OTC: variants seen among roughly 807,000 people sequenced by gnomAD.
The protein encoded by OTC is ornithine transcarbamylase, mitochondrial.
OTC carries 3 observed loss-of-function variants against 30.3 expected under a neutral mutation model. That is an observed-to-expected ratio of 0.10 (90% CI 0.05 to 0.26). OTC has a LOEUF of 0.26. Ranked by LOEUF, OTC falls within the 10% of genes least tolerant of loss-of-function variation. The pLI is 1.00. For synonymous variants in OTC, 111 were observed against 99.7 expected (o/e 1.11, Z -0.67); for missense variants, 194 against 260.3 (o/e 0.75, Z 1.75).
intron 3 of OTC, among the ~76,000 whole-genome samples, chrX:38,379,016 C>T (rs1008938144): frequency 9.0e-6 from 1 of 111,342 alleles, no homozygotes; most frequent in African/African-American, 3.3e-5. Flanking sequence ...TCAGCTTTCC[C>T]AGATGTAGGG....
the OTC span, among the ~76,000 whole-genome samples, chrX:38,327,769 C>T: frequency 8.9e-6 from 1 of 112,866 alleles, no homozygotes; most frequent in East Asian, 2.8e-4. Flanking sequence ...AGGGACCCTG[C>T]CCATGAGTGG....
chrX:38,387,276 T>C (rs189496262), intron 4 of OTC, among the ~76,000 whole-genome samples: 1 of 112,154 alleles, frequency 8.9e-6, no homozygotes, highest in Admixed American at 9.5e-5. Context: ...TTGTTTCTTT[T>C]GCTATGCAGA....
the OTC span, among the ~76,000 whole-genome samples, chrX:38,332,805 A>G: frequency 1.1e-4 from 12 of 110,186 alleles, no homozygotes; most frequent in African/African-American, 4.0e-4. Context: ...GATCTGCTCT[A>G]CCTGCTCAAG....
intron 1 of OTC, among the ~76,000 whole-genome samples, chrX:38,366,375 T>A (rs2068295963): frequency 9.0e-6 from 1 of 111,566 alleles, no homozygotes; most frequent in Non-Finnish European, 1.9e-5. Flanking sequence ...TTTTTGTATT[T>A]TTCTGAGTTA....
chrX:38,381,744 C>T (rs2068378037), intron 4 of OTC, among the ~76,000 whole-genome samples: 1 of 111,984 alleles, frequency 8.9e-6, no homozygotes, highest in African/African-American at 3.2e-5. Context: ...GGGAAACTGA[C>T]ATTCAGTGGC....
At chrX:38,332,267 T>C in the OTC span, among the ~76,000 whole-genome samples, 2 of 108,735 alleles carry the variant, frequency 1.8e-5, no homozygotes, top group Non-Finnish European at 3.8e-5. Flanking sequence ...ACATAATGTA[T>C]ACCAACATAA....
intron 5 of OTC, 67 bp from the exon 6 acceptor site, chrX:38,403,551 C>T: frequency 8.9e-7 from 1 of 1,118,806 alleles, no homozygotes; most frequent in Non-Finnish European, 1.2e-6. Flanking sequence ...TTATTTTAAC[C>T]TTAGTAATTG....
At position 38,406,234 on chromosome X, in the gene OTC, A is replaced by G. The variant is rs182140280; in HGVS notation, c.663+2494A>G. On this transcript the variant is annotated intron_variant, in intron 6 of 9. Transcript: ENST00000039007. ...CTTTAAAGATAAAGCTAGGAGATTT[A>G]TTGTAAATTTTAGAAACACTGAAAC... Among the ~76,000 whole-genome samples the G allele has an allele frequency of 1.8e-4, 20 of 112,080 alleles. No individual in the cohort carries two copies. In the East Asian group the frequency reaches 4.7e-3, roughly 27 times the overall value.
chrX:38,371,608 CA>C (rs2147325889), intron 3 of OTC, among the ~76,000 whole-genome samples: 1 of 111,896 alleles, frequency 8.9e-6, no homozygotes, highest in African/African-American at 3.2e-5. Context: ...AAAGAAAGTT[CA>C]GGGGGATTAA....
At chrX:38,409,061 C>T (rs754479198) in intron 8 of OTC, 36 bp downstream of exon 8, 1 of 1,175,053 alleles carries the variant, frequency 8.5e-7, no homozygotes, top group South Asian at 1.8e-5. Context: ...TTCATTAATT[C>T]CATTCATGAA....
intron 1 of OTC, among the ~76,000 whole-genome samples, chrX:38,366,917 G>A (rs2068298969): frequency 8.9e-6 from 1 of 111,827 alleles, no homozygotes; most frequent in South Asian, 3.7e-4. Context: ...AGAAGATAAA[G>A]CATTTGCTGT....
intron 2 of OTC, among the ~76,000 whole-genome samples, chrX:38,368,087 C>A (rs953981013): frequency 5.0e-5 from 5 of 100,299 alleles, no homozygotes; most frequent in African/African-American, 1.9e-4. Flanking sequence ...GAAGGCCAGG[C>A]GCAGTGGCTC....
At chrX:38,378,887 A>C (rs1455239643) in intron 3 of OTC, among the ~76,000 whole-genome samples, 1 of 111,655 alleles carries the variant, frequency 9.0e-6, no homozygotes, top group Admixed American at 9.5e-5. Context: ...GAGAAACGAT[A>C]TGGAGTTCTA....
rs1484620875 is a variant in OTC, at chrX:38,352,790, G to A, written c.77+17G>A. On this transcript the variant is annotated intron_variant, in intron 1 of 9. Coordinates refer to ENST00000039007, the MANE Select transcript of OTC (RefSeq NM_000531.6). ...AAATTTTCGGTAAGTGATGGTCAGAGACTTGGGTTTGATTTAGGAATCATG... is the reference window on the plus strand; with the variant it reads ...AAATTTTCGGTAAGTGATGGTCAGAAACTTGGGTTTGATTTAGGAATCATG... 8.8e-7 allele frequency: 1 copy of A among 1,142,648 alleles called. No individual in the cohort carries two copies. The highest frequency in any genetic ancestry group is 1.2e-6 in the Non-Finnish European group (1 of 832,312). 94.2% of individuals were successfully genotyped at this position (1,142,648 alleles called of 1,213,427 possible).
chrX:38,351,823 C>T (rs968589460), upstream of OTC, among the ~76,000 whole-genome samples: 4 of 111,386 alleles, frequency 3.6e-5, no homozygotes, highest in African/African-American at 6.5e-5. Context: ...TACAGTGGTG[C>T]AATCTGGGCT....
intron 3 of OTC, among the ~76,000 whole-genome samples, chrX:38,377,137 A>T (rs1437956266): frequency 8.9e-6 from 1 of 112,385 alleles, no homozygotes; most frequent in African/African-American, 3.2e-5. Flanking sequence ...CAATGGAATA[A>T]AACTAGAAAT....
At chrX:38,342,436 C>T in the OTC span, among the ~76,000 whole-genome samples, 4 of 111,226 alleles carry the variant, frequency 3.6e-5, no homozygotes, top group African/African-American at 1.3e-4. Context: ...GGGATGGGGC[C>T]TCTCACCACA....
the OTC span, among the ~76,000 whole-genome samples, chrX:38,330,358 A>T: frequency 8.9e-6 from 1 of 112,315 alleles, no homozygotes; most frequent in Admixed American, 9.4e-5. Context: ...ATAGTGTACG[A>T]TAATAAATGG....
At chrX:38,399,237 TG>T (rs1203314989) in intron 4 of OTC, among the ~76,000 whole-genome samples, 14 of 111,212 alleles carry the variant, frequency 1.3e-4, no homozygotes, top group Non-Finnish European at 3.8e-5. Flanking sequence ...TAAATCTGGG[TG>T]GGGCCTGAAA....
Sources: allele counts gnomAD v4.1 joint callset (sites outside exome capture counted in the v4.1 genomes callset), GRCh38; gene constraint gnomAD v4.1.1; transcripts MANE v1.5; gene names NCBI Gene and HGNC (gene_info 2026-07-23, HGNC 2026-07-21).